SLC19A1: variants seen among roughly 807,000 people sequenced by gnomAD.
SLC19A1 encodes solute carrier family 19 member 1.
Under a neutral mutation model 35.3 loss-of-function variants are expected in SLC19A1, and 37 were observed. The observed-to-expected ratio is 1.05, with a 90% confidence interval of 0.81 to 1.38. SLC19A1 has a LOEUF of 1.38. Ranked by LOEUF, SLC19A1 falls within the 40% of genes most tolerant of loss-of-function variation. The pLI is 0.00. For synonymous variants in SLC19A1, 460 were observed against 398.5 expected, an observed-to-expected ratio of 1.15 and a Z score of -1.84; for missense variants, 831 against 826.9, an observed-to-expected ratio of 1.00 and a Z score of -0.06.
At chr21:45,521,471 T>A (rs1568978809) in intron 5 of SLC19A1, among the ~76,000 whole-genome samples, 2 of 152,188 alleles carry the variant, frequency 1.3e-5, no homozygotes, top group Non-Finnish European at 2.9e-5. Context: ...TAATTGCAAT[T>A]CCTAACAAAA....
chr21:45,515,923 G>A lies in SLC19A1; in HGVS notation c.1511C>T (p.Pro504Leu). 1 of 1,544,594 alleles carries A rather than the reference G, an allele frequency of 6.5e-7. No homozygotes were observed. The highest frequency in any genetic ancestry group is 8.7e-7 in the Non-Finnish European group (1 of 1,144,986). The change falls in exon 6 of 6, where the codon CCA becomes CTA. Residue 504 changes from proline (P) to leucine (L), a missense_variant. Physicochemically the swap from Pro to Leu is moderately conservative, Grantham distance 98 (BLOSUM62 -3). Coordinates refer to ENST00000311124, the MANE Select transcript of SLC19A1 (RefSeq NM_194255.4). Reference sequence around the variant, plus strand: ...CCCCACAGCCCCCAGGCTGTCTTCTGGGGAAAGCGGCGGGCTCTGGGCTGG... The same window carrying A: ...CCCCACAGCCCCCAGGCTGTCTTCTAGGGAAAGCGGCGGGCTCTGGGCTGG... Reference protein sequence around the residue: ...LQPAQSPPLSPEDSLGAVGPA... With the variant: ...LQPAQSPPLSLEDSLGAVGPA...
chr21:45,512,447 G>GC (rs1297382266), downstream of SLC19A1: 2 of 1,572,896 alleles, frequency 1.3e-6, no homozygotes, highest in South Asian at 1.1e-5. Flanking sequence ...CTCGGAGGAA[G>GC]CCCCCACCGT....
At chr21:45,553,098 G>A (rs1051320398) in intron 1 of SLC19A1, among the ~76,000 whole-genome samples, 1 of 152,114 alleles carries the variant, frequency 6.6e-6, no homozygotes, top group Non-Finnish European at 1.5e-5. Flanking sequence ...GCTGGGGCAG[G>A]ACCGGAGCGG....
chr21:45,507,710 G>A, downstream of SLC19A1: 2 of 969,194 alleles, frequency 2.1e-6, no homozygotes, highest in Non-Finnish European at 1.6e-6. Flanking sequence ...TGAACATGTG[G>A]CTCACCATCA....
At chr21:45,510,469 C>T (rs1033170458), downstream of SLC19A1, among the ~76,000 whole-genome samples, 2 of 152,180 alleles carry the variant, frequency 1.3e-5, no homozygotes, top group Non-Finnish European at 2.9e-5. Context: ...GGCACTGCCA[C>T]GTCCCCCAGG....
In SLC19A1 at chr21:45,525,830, G is replaced by A. The variant is rs151246436; in HGVS notation, c.1280C>T (p.Pro427Leu). The stretch of plus-strand genomic sequence containing the variant: ...AAATGGGCTCACCTGCTTGCGGACC[G>A]GGAGGCCCAGGCCCCGCACGTCCGA... ...IVSDVRGLGL[P>L]VRKQFQLYSV... The change falls in exon 5 of 6, where the codon CCG (proline) becomes CTG (leucine). Residue 427 changes from proline (P) to leucine (L), a missense_variant. Coordinates refer to ENST00000311124, the MANE Select transcript of SLC19A1 (RefSeq NM_194255.4). The A allele has an allele frequency of 6.5e-5, 105 of 1,613,098 alleles. No homozygotes were observed. The highest frequency in any genetic ancestry group is 8.5e-5 in the Non-Finnish European group (100 of 1,179,918).
In SLC19A1 at chr21:45,515,425, G is replaced by T; in HGVS notation, c.*233C>A. On this transcript the variant is annotated 3_prime_UTR_variant, in exon 6 of 6. Coordinates refer to ENST00000311124, the MANE Select transcript of SLC19A1 (RefSeq NM_194255.4). ...AGAAGCCCACCACCCACCTCTTCCA[G>T]CAACAAAGCCCGCGGGGCACAGTGC... 1 of 1,400,902 alleles carries T rather than the reference G, an allele frequency of 7.1e-7. No homozygotes were observed. The highest frequency in any genetic ancestry group is 9.1e-7 in the Non-Finnish European group (1 of 1,093,772). 86.8% of individuals were successfully genotyped at this position (1,400,902 alleles called of 1,614,324 possible). A position where few individuals can be genotyped will look rare whatever the true frequency, so the allele number is the denominator to read the frequency against.
rs537538563 is a variant in SLC19A1, at chr21:45,504,122, A to C, written c.498-5510T>G. 1,007 of 1,550,150 alleles carry C rather than the reference A, an allele frequency of 6.5e-4. 1 individual carries two copies. The highest frequency in any genetic ancestry group is 8.1e-4 in the Non-Finnish European group (913 of 1,123,604). ...TACATCCCGCTGGGTGGCTGCTCCCAATTTCTCGCCCCATCCGGCCCAAGC... is the reference window on the plus strand; with the variant it reads ...TACATCCCGCTGGGTGGCTGCTCCCCATTTCTCGCCCCATCCGGCCCAAGC... On this transcript the variant is annotated intron_variant, in intron 3 of 4. Coordinates refer to the SLC19A1 transcript ENST00000417954.
At chr21:45,524,080 T>C (rs1286366169) in intron 5 of SLC19A1, among the ~76,000 whole-genome samples, 153 of 125,176 alleles carry the variant, frequency 1.2e-3, no homozygotes, top group Middle Eastern at 4.9e-3. Context: ...ACCCCTGGGC[T>C]TCGGAGGCTC....
chr21:45,512,459 GGCA>G (rs2037668812), downstream of SLC19A1: 22 of 1,532,038 alleles, frequency 1.4e-5, no homozygotes, highest in Non-Finnish European at 2.0e-5. Flanking sequence ...CCCCACCGTG[GGCA>G]GGGAGCGGCC....
At chr21:45,511,849 C>T (rs541396829), downstream of SLC19A1, among the ~76,000 whole-genome samples, 4 of 152,286 alleles carry the variant, frequency 2.6e-5, no homozygotes, top group South Asian at 6.2e-4. Flanking sequence ...AAGCCAGGAG[C>T]CCGGGAGGCG....
intron 1 of SLC19A1, among the ~76,000 whole-genome samples, chr21:45,549,725 AGGT>A (rs1047894120): frequency 2.0e-5 from 1 of 51,254 alleles, no homozygotes; most frequent in African/African-American, 8.6e-5. Flanking sequence ...GGAGGGGGAT[AGGT>A]GGTGGGGGAG....
At position 45,512,678 on chromosome 21, in the gene SLC19A1, G is replaced by GCAA; in HGVS notation, c.*2977_*2979dup. 1 of 518,974 alleles carries GCAA rather than the reference G, an allele frequency of 1.9e-6. No homozygotes were observed. Among genetic ancestry groups the GCAA allele is most frequent in the Non-Finnish European group, 3.5e-6 (1 of 285,290 alleles). The allele number at this position is 518,974 out of a possible 1,614,324, so 32.1% of individuals were successfully genotyped here. ...GGCAGGGTGCAGTATCATGCCCTGT[G>GCAA]CAACCTCTTGGCCTGATCAGACCAC... On this transcript the variant is annotated 3_prime_UTR_variant, in exon 6 of 6. Transcript: ENST00000311124.
chr21:45,561,295 G>T (rs1014301729), intron 1 of SLC19A1, among the ~76,000 whole-genome samples: 2 of 152,206 alleles, frequency 1.3e-5, no homozygotes, highest in Non-Finnish European at 2.9e-5. Flanking sequence ...GTATTCTATT[G>T]CAGTAACTTG....
Position 45,505,394 on chromosome 21 carries a change from C to A in SLC19A1, c.498-6782G>T. 6.3e-7 allele frequency: 1 copy of A among 1,586,754 alleles called. No individual in the cohort carries two copies. Among genetic ancestry groups the A allele is most frequent in the Non-Finnish European group, 8.6e-7 (1 of 1,160,980 alleles). On this transcript the variant is annotated intron_variant, in intron 3 of 4. Coordinates refer to the SLC19A1 transcript ENST00000417954. ...CCCGGCCCTCCGGGCCCCCCTGGGC[C>A]CCCTGGGCCCCCTGGAACCATGGGC...
downstream of SLC19A1, chr21:45,510,326 C>T: frequency 6.6e-7 from 1 of 1,517,374 alleles, no homozygotes; most frequent in Non-Finnish European, 9.0e-7. Flanking sequence ...GGGTGAACTC[C>T]CAGCGGGGAG....
intron 1 of SLC19A1, among the ~76,000 whole-genome samples, chr21:45,555,065 C>T (rs1242567503): frequency 1.3e-5 from 2 of 149,964 alleles, no homozygotes; most frequent in East Asian, 4.1e-4. Flanking sequence ...CCCGACGCAA[C>T]GCGGGGAGTG....
downstream of SLC19A1, chr21:45,509,925 T>C (rs775740400): frequency 4.1e-5 from 40 of 981,608 alleles, no homozygotes; most frequent in Middle Eastern, 3.2e-4. Flanking sequence ...GGCCCCTCAG[T>C]GTGTCACTTG....
upstream of SLC19A1, chr21:45,542,591 C>T (rs2078347945): frequency 6.6e-6 from 1 of 151,204 alleles, no homozygotes; most frequent in South Asian, 2.1e-4. Context: ...GTCTCCCAGC[C>T]CCGGCGCCGG....
Sources: allele counts gnomAD v4.1 joint callset (sites outside exome capture counted in the v4.1 genomes callset), GRCh38; gene constraint gnomAD v4.1.1; transcripts MANE v1.5; gene names NCBI Gene and HGNC (gene_info 2026-07-23, HGNC 2026-07-21).